Variants in ASXL2 observed in about 807,000 individuals in gnomAD.
ASXL2 encodes ASXL transcriptional regulator 2.
A neutral mutation model predicts 122.0 loss-of-function variants in ASXL2; 23 were observed. The observed-to-expected ratio is 0.19, with a 90% CI of 0.14 to 0.27. ASXL2 has a LOEUF of 0.27. ASXL2 is among the 10% of genes least tolerant of loss of function. The probability of loss-of-function intolerance (pLI) is 1.00; values close to 1 mark genes in which losing one functional copy is unlikely to be tolerated. For missense variants in ASXL2, 1,518 were observed against 1,713.8 expected, an observed-to-expected ratio of 0.89 and a Z score of 2.02; for synonymous variants, 650 against 637.0, an observed-to-expected ratio of 1.02 and a Z score of -0.31.
chr2:25,770,055 CAGA>C (rs1361604316), intron 6 of ASXL2, among the ~76,000 whole-genome samples: 8 of 152,194 alleles, frequency 5.3e-5, no homozygotes, highest in Non-Finnish European at 8.8e-5. Flanking sequence ...GCAATTAGAT[CAGA>C]AGATGTTCAT....
intron 8 of ASXL2, among the ~76,000 whole-genome samples, chr2:25,764,815 G>A (rs542114369): frequency 7.2e-5 from 11 of 152,066 alleles, no homozygotes; most frequent in Non-Finnish European, 1.3e-4. Flanking sequence ...CCTGCACATC[G>A]CAGTCAAACT....
At chr2:25,851,006 G>A (rs908279158) in intron 1 of ASXL2, among the ~76,000 whole-genome samples, 1 of 152,110 alleles carries the variant, frequency 6.6e-6, no homozygotes, top group Non-Finnish European at 1.5e-5. Flanking sequence ...AGGTGTGGGG[G>A]CGCATGCCTG....
intron 10 of ASXL2, among the ~76,000 whole-genome samples, chr2:25,755,204 G>A (rs1053472842): frequency 6.6e-6 from 1 of 152,150 alleles, no homozygotes; most frequent in Non-Finnish European, 1.5e-5. Flanking sequence ...CTGCATATTA[G>A]AATCGTTTGG....
At chr2:25,758,680 GTT>G (rs369670596) in intron 9 of ASXL2, among the ~76,000 whole-genome samples, 1 of 133,872 alleles carries the variant, frequency 7.5e-6, no homozygotes. Context: ...TGCTACTTTT[GTT>G]TTTTTTTTTT....
At chr2:25,838,036 C>CCTAA (rs1368305128) in intron 2 of ASXL2, among the ~76,000 whole-genome samples, 3 of 151,758 alleles carry the variant, frequency 2.0e-5, no homozygotes, top group Non-Finnish European at 4.4e-5. Context: ...GAAGTCAAGG[C>CCTAA]TGCGGTGAGC....
intron 3 of ASXL2, among the ~76,000 whole-genome samples, chr2:25,812,875 G>A (rs568051286): frequency 6.1e-4 from 93 of 152,296 alleles, no homozygotes; most frequent in Middle Eastern, 3.4e-3. Flanking sequence ...GAAGCATTTT[G>A]TTTAGTCCTC....
At position 25,809,499 on chromosome 2, in the gene ASXL2, C is replaced by T. The variant is rs537885770; in HGVS notation, c.144-3162G>A. Among the ~76,000 whole-genome samples, 21 of 152,180 alleles carry T rather than the reference C, an allele frequency of 1.4e-4. No homozygotes were observed. The South Asian group carries it at 3.9e-3, about 29-fold the overall frequency. Reference sequence around the variant, plus strand: ...TCTGTTTGGCTCTCAGTAAGGCAGGCCTATACCTTTTCCTCTTCTCTATGG... The same window carrying T: ...TCTGTTTGGCTCTCAGTAAGGCAGGTCTATACCTTTTCCTCTTCTCTATGG... On this transcript the variant is annotated intron_variant, in intron 3 of 12. Coordinates refer to ENST00000435504, the MANE Select transcript of ASXL2 (RefSeq NM_018263.6).
chr2:25,846,164 T>C (rs894923393), intron 1 of ASXL2, among the ~76,000 whole-genome samples: 1 of 152,202 alleles, frequency 6.6e-6, no homozygotes, highest in Admixed American at 6.5e-5. Flanking sequence ...GAGAAAAATA[T>C]TTTTTGGTCT....
chr2:25,876,991 C>T (rs2090014633), intron 1 of ASXL2, among the ~76,000 whole-genome samples: 1 of 152,180 alleles, frequency 6.6e-6, no homozygotes, highest in South Asian at 2.1e-4. Flanking sequence ...TTAGCAGATA[C>T]AGCCGAGCGG....
intron 5 of ASXL2, among the ~76,000 whole-genome samples, chr2:25,797,093 C>T (rs897378115): frequency 1.3e-5 from 2 of 152,180 alleles, no homozygotes; most frequent in Non-Finnish European, 2.9e-5. Context: ...ATACACTAGA[C>T]TTCATTAAAC....
At chr2:25,778,409 C>T (rs530351851) in intron 5 of ASXL2, among the ~76,000 whole-genome samples, 19 of 152,110 alleles carry the variant, frequency 1.2e-4, no homozygotes, top group Non-Finnish European at 1.6e-4. Context: ...GAGCAGATTC[C>T]CCCCAGAGCC....
At chr2:25,877,780 T>C (rs139137646) in intron 1 of ASXL2, among the ~76,000 whole-genome samples, 8 of 152,212 alleles carry the variant, frequency 5.3e-5, no homozygotes, top group Admixed American at 1.3e-4. Context: ...GCACAAGCCT[T>C]CTCCTATCTG....
At chr2:25,834,504 C>A (rs1213765282) in intron 3 of ASXL2, among the ~76,000 whole-genome samples, 1 of 152,160 alleles carries the variant, frequency 6.6e-6, no homozygotes, top group East Asian at 1.9e-4. Flanking sequence ...CTCTTGCTTA[C>A]AATAAACAGG....
At chr2:25,793,851 C>G (rs2088872743) in intron 5 of ASXL2, among the ~76,000 whole-genome samples, 1 of 152,174 alleles carries the variant, frequency 6.6e-6, no homozygotes, top group Non-Finnish European at 1.5e-5. Flanking sequence ...ATGGGAAAGG[C>G]CACACCTCAA....
Position 25,739,871 on chromosome 2 carries a change from C to T in ASXL2, c.*2158G>A, listed in dbSNP as rs971653683. On this transcript the variant is annotated 3_prime_UTR_variant, in exon 13 of 13. Transcript: ENST00000435504. Reference sequence around the variant, plus strand: ...CAATTCCAAAACTCTCAACCTCTTCCAGCATGCAGACCAGCCCTCGGCCCT... The same window carrying T: ...CAATTCCAAAACTCTCAACCTCTTCTAGCATGCAGACCAGCCCTCGGCCCT... 3 of 219,230 alleles carry T rather than the reference C, an allele frequency of 1.4e-5. No individual in the cohort carries two copies. Among genetic ancestry groups the T allele is most frequent in the African/African-American group, 2.2e-5 (1 of 44,580 alleles). The allele number at this position is 219,230 out of a possible 1,614,324, so 13.6% of individuals were successfully genotyped here.
chr2:25,792,583 G>A (rs2088851252), intron 5 of ASXL2, among the ~76,000 whole-genome samples: 1 of 151,984 alleles, frequency 6.6e-6, no homozygotes, highest in African/African-American at 2.4e-5. Context: ...GAAACCCAAA[G>A]AGTAATCTAG....
At position 25,767,611 on chromosome 2, in the gene ASXL2, T is replaced by C. The variant is rs748853663; in HGVS notation, c.747A>G (p.Ser249=). 2.5e-5 allele frequency: 41 copies of C among 1,613,854 alleles called. No homozygotes were observed. The highest frequency in any genetic ancestry group is 2.0e-4 in the Admixed American group (12 of 60,006). ...ENTLLGLGKK[S]FQRSERLHTR... is the part of the protein sequence containing the mutation. ...TATGGAGTCTCTCAGATCTCTGGAA[T>C]GACTTCTTCCCCAAGCCTAGTAAAG... Residue 249 remains serine (S), a synonymous_variant, in exon 8 of 13, where the codon TCA becomes TCG. Coordinates refer to ENST00000435504, the MANE Select transcript of ASXL2 (RefSeq NM_018263.6).
chr2:25,840,084 CAA>C (rs933488307), intron 2 of ASXL2, among the ~76,000 whole-genome samples: 1 of 151,886 alleles, frequency 6.6e-6, no homozygotes, highest in African/African-American at 2.4e-5. Context: ...TAATGGAATA[CAA>C]AAAGTCACAG....
intron 5 of ASXL2, among the ~76,000 whole-genome samples, chr2:25,795,129 C>T (rs1374698839): frequency 6.6e-6 from 1 of 152,130 alleles, no homozygotes; most frequent in Non-Finnish European, 1.5e-5. Context: ...ACATCATGCG[C>T]ACCTCTCACC....
Sources: allele counts gnomAD v4.1 joint callset (sites outside exome capture counted in the v4.1 genomes callset), GRCh38; gene constraint gnomAD v4.1.1; transcripts MANE v1.5; gene names NCBI Gene and HGNC (gene_info 2026-07-23, HGNC 2026-07-21).